METTL25: variants seen among roughly 807,000 people sequenced by gnomAD.
The protein encoded by METTL25 is methyltransferase like 25, also known as probable methyltransferase-like protein 25.
A neutral mutation model predicts 71.6 loss-of-function variants in METTL25; 64 were observed. The ratio of observed to expected loss-of-function variants is 0.89; its 90% CI spans 0.73 to 1.10. METTL25 has a LOEUF of 1.10. METTL25 is among the 50% of genes least tolerant of loss of function. The probability of loss-of-function intolerance (pLI) is 0.00; values close to 1 mark genes in which losing one functional copy is unlikely to be tolerated. For missense variants in METTL25, 807 were observed against 707.0 expected (o/e 1.14, Z -1.60); for synonymous variants, 287 against 250.3 (o/e 1.15, Z -1.38).
intron 8 of METTL25, among the ~76,000 whole-genome samples, chr12:82,452,299 G>T (rs769035181): frequency 6.6e-6 from 1 of 152,058 alleles, no homozygotes; most frequent in Admixed American, 6.6e-5. Context: ...TCTGTTTAAA[G>T]ATTCTTTGGC....
intron 5 of METTL25, among the ~76,000 whole-genome samples, chr12:82,429,214 C>T (rs188734171): frequency 6.6e-6 from 1 of 151,792 alleles, no homozygotes; most frequent in Non-Finnish European, 1.5e-5. Flanking sequence ...ACATATACCC[C>T]TCCCAGCCTC....
At chr12:82,419,957 A>T (rs1398302013) in intron 5 of METTL25, among the ~76,000 whole-genome samples, 2 of 152,190 alleles carry the variant, frequency 1.3e-5, no homozygotes, top group Non-Finnish European at 1.5e-5. Context: ...ATATGGAATC[A>T]TTTCATCTCC....
At chr12:82,408,414 GA>G (rs1042300446) in intron 5 of METTL25, among the ~76,000 whole-genome samples, 82 of 151,914 alleles carry the variant, frequency 5.4e-4, no homozygotes, top group African/African-American at 1.9e-3. Context: ...AAAACCTGGG[GA>G]AAAAAACACA....
intron 5 of METTL25, among the ~76,000 whole-genome samples, chr12:82,403,439 A>G (rs908922879): frequency 3.9e-5 from 6 of 152,208 alleles, no homozygotes; most frequent in African/African-American, 1.4e-4. Context: ...CTTGTGAAGT[A>G]TACATTTACT....
Position 82,386,827 on chromosome 12 carries a change from T to C in METTL25, c.284T>C (p.Phe95Ser), listed in dbSNP as rs1320843715. The part of the protein sequence containing the change: ...EAGMTDFPKI[F>S]CETSQKLVSV... ...GGTATGACTGATTTTCCCAAAATAT[T>C]TTGTGAAACTTCTCAGAAGTTGGTG... The change falls in exon 2 of 12, where the codon TTT becomes TCT. Residue 95 changes from phenylalanine (F) to serine (S), a missense_variant. Phe to Ser is a radical substitution (Grantham distance 155, BLOSUM62 -2). Transcript: ENST00000248306. 6.2e-7 allele frequency: 1 copy of C among 1,613,152 alleles called. No individual in the cohort carries two copies. The highest frequency in any genetic ancestry group is 2.2e-5 in the East Asian group (1 of 44,832).
chr12:82,374,344 T>G (rs888737834), intron 1 of METTL25: 5 of 152,308 alleles, frequency 3.3e-5, no homozygotes, highest in Non-Finnish European at 5.9e-5. Context: ...CCAGCTTTTA[T>G]TCCCTTATTT....
At chr12:82,457,429 G>A (rs192942480) in intron 9 of METTL25, among the ~76,000 whole-genome samples, 102 of 151,938 alleles carry the variant, frequency 6.7e-4, no homozygotes, top group African/African-American at 2.4e-3. Context: ...AAATTGAAAC[G>A]AAGAATAGAG....
intron 3 of METTL25, among the ~76,000 whole-genome samples, chr12:82,397,997 A>G (rs1452537140): frequency 2.0e-5 from 3 of 151,932 alleles, no homozygotes; most frequent in Non-Finnish European, 2.9e-5. Context: ...CTACTTATCA[A>G]TTTCTTTACA....
At chr12:82,436,556 T>C (rs1035738642) in intron 7 of METTL25, among the ~76,000 whole-genome samples, 3 of 151,512 alleles carry the variant, frequency 2.0e-5, no homozygotes, top group Non-Finnish European at 3.0e-5. Context: ...CTCTTCCCTT[T>C]CTCTTAGGAA....
chr12:82,452,750 G>A (rs1002537413), intron 8 of METTL25, among the ~76,000 whole-genome samples: 32 of 152,128 alleles, frequency 2.1e-4, no homozygotes, highest in Admixed American at 3.3e-4. Context: ...AGTCTGATTC[G>A]TTATACTTAA....
At position 82,476,622 on chromosome 12, in the gene METTL25, ATTG is replaced by A; in HGVS notation, c.1573-16_1573-14del. On this transcript the variant is annotated intron_variant, in intron 9 of 11. Coordinates refer to ENST00000248306, the MANE Select transcript of METTL25 (RefSeq NM_032230.3). ...ATATTTTTAAACTATCGTTAAATTT[ATTG>A]TTGTTTTTTATCTTGAAGCTGCCAG... is the stretch of plus-strand genomic sequence containing the variant. 1 of 1,456,798 alleles carries A rather than the reference ATTG, an allele frequency of 6.9e-7. No homozygotes were observed. Among genetic ancestry groups the A allele is most frequent in the Non-Finnish European group, 9.5e-7 (1 of 1,049,462 alleles). The allele number at this position is 1,456,798 out of a possible 1,614,324, so 90.2% of individuals were successfully genotyped here. A position where few individuals can be genotyped will look rare whatever the true frequency, so the allele number is the denominator to read the frequency against.
chr12:82,362,739 G>A (rs1882093215), intron 1 of METTL25, among the ~76,000 whole-genome samples: 1 of 152,210 alleles, frequency 6.6e-6, no homozygotes, highest in Non-Finnish European at 1.5e-5. Context: ...GGTAAGAAAG[G>A]TGAAGGAAAT....
At chr12:82,358,909 A>G in intron 1 of METTL25, 85 bp downstream of exon 1, 1 of 1,500,816 alleles carries the variant, frequency 6.7e-7, no homozygotes, top group Non-Finnish European at 9.0e-7. Context: ...GGAAGCCAGC[A>G]GAACCAGGTG....
Position 82,434,715 on chromosome 12 carries a change from T to G in METTL25, c.1395T>G (p.Ala465=). Reference sequence around the variant, plus strand: ...TTAAGGCATTGGAGCGGGTTGCAGCTGGCCAAGGGGTAAGTAAGAGTGTTA... The same window carrying G: ...TTAAGGCATTGGAGCGGGTTGCAGCGGGCCAAGGGGTAAGTAAGAGTGTTA... ...SACLALERVA[A]GQGLPTESLF... is the part of the protein sequence containing the mutation. The change falls in exon 7 of 12, where the codon GCT becomes GCG. Residue 465 remains alanine, a synonymous_variant. Coordinates refer to ENST00000248306, the MANE Select transcript of METTL25 (RefSeq NM_032230.3). 2 of 1,609,534 alleles carry G rather than the reference T, an allele frequency of 1.2e-6. No homozygotes were observed.
chr12:82,474,194 A>G (rs948086424), intron 9 of METTL25, among the ~76,000 whole-genome samples: 1 of 152,098 alleles, frequency 6.6e-6, no homozygotes, highest in African/African-American at 2.4e-5. Flanking sequence ...GGGGGCTGGT[A>G]GTGTTCTTCT....
intron 5 of METTL25, among the ~76,000 whole-genome samples, chr12:82,406,242 T>A (rs1468209457): frequency 6.6e-6 from 1 of 152,148 alleles, no homozygotes; most frequent in Non-Finnish European, 1.5e-5. Flanking sequence ...AACCAGATAA[T>A]CCTTATTAGT....
At chr12:82,416,936 T>G (rs1192234232) in intron 5 of METTL25, among the ~76,000 whole-genome samples, 3 of 152,116 alleles carry the variant, frequency 2.0e-5, no homozygotes, top group East Asian at 3.9e-4. Flanking sequence ...TCAAGAAAAT[T>G]TTATAGAATT....
chr12:82,465,010 C>A (rs921112073), intron 9 of METTL25, among the ~76,000 whole-genome samples: 4 of 151,556 alleles, frequency 2.6e-5, no homozygotes, highest in Non-Finnish European at 5.9e-5. Context: ...TTGGTAGAAT[C>A]TTTAGGTTTT....
chr12:82,358,872 C>T (rs968118292), intron 1 of METTL25, 48 bp downstream of exon 1: 1 of 1,552,498 alleles, frequency 6.4e-7, no homozygotes, highest in Non-Finnish European at 8.7e-7. Flanking sequence ...AGGAGAAGGT[C>T]CCGGCAGACG....
Sources: gnomAD v4.1 joint callset for allele counts (sites outside exome capture counted in the v4.1 genomes callset) on GRCh38, gnomAD v4.1.1 for gene constraint, MANE v1.5 for transcripts, NCBI Gene and HGNC (gene_info 2026-07-23, HGNC 2026-07-21) for gene names.